MICAL3: variants seen among roughly 807,000 people sequenced by gnomAD.
MICAL3 encodes the protein microtubule associated monooxygenase, calponin and LIM domain containing 3, also known as [F-actin]-monooxygenase MICAL3.
A neutral mutation model predicts 207.4 loss-of-function variants in MICAL3; 62 were observed. The observed-to-expected ratio is 0.30, with a 90% CI of 0.24 to 0.37. MICAL3 has a LOEUF of 0.37. MICAL3 is among the 10% of genes least tolerant of loss of function. The pLI is 1.00. For missense variants in MICAL3, 2,368 were observed against 2,635.6 expected (o/e 0.90, Z 2.22); for synonymous variants, 1,077 against 1,069.3 (o/e 1.01, Z -0.14).
At chr22:17,978,421 A>C (rs1935752216) in intron 1 of MICAL3, among the ~76,000 whole-genome samples, 1 of 152,214 alleles carries the variant, frequency 6.6e-6, no homozygotes, top group African/African-American at 2.4e-5. Context: ...CTATGGGTAC[A>C]AGGCTTCTTT....
At chr22:17,950,582 C>T (rs1365679955) in intron 1 of MICAL3, among the ~76,000 whole-genome samples, 1 of 152,068 alleles carries the variant, frequency 6.6e-6, no homozygotes, top group African/African-American at 2.4e-5. Flanking sequence ...AGTGATCCTC[C>T]CGCCTCGACC....
At chr22:17,969,233 G>A (rs1935292863) in intron 1 of MICAL3, among the ~76,000 whole-genome samples, 1 of 152,182 alleles carries the variant, frequency 6.6e-6, no homozygotes, top group East Asian at 1.9e-4. Context: ...TAGAGACAGG[G>A]TTTCACTATA....
intron 1 of MICAL3, chr22:18,004,792 C>T (rs576807214): frequency 7.6e-4 from 115 of 152,290 alleles, no homozygotes; most frequent in African/African-American, 2.4e-3. Context: ...CTGATCTGCC[C>T]GAGTGCACAC....
chr22:17,983,381 C>G (rs750633650), intron 1 of MICAL3: 3 of 152,248 alleles, frequency 2.0e-5, no homozygotes, highest in African/African-American at 4.8e-5. Context: ...ACTAGTAACT[C>G]CTAAGTCCAC....
chr22:17,881,409 A>G, intron 16 of MICAL3: 1 of 908,426 alleles, frequency 1.1e-6, no homozygotes, highest in South Asian at 1.6e-5. Context: ...CACCCCAGGG[A>G]GGCCTTTCCT....
chr22:17,878,747 T>C (rs1464796426), intron 16 of MICAL3, among the ~76,000 whole-genome samples: 1 of 152,190 alleles, frequency 6.6e-6, no homozygotes, highest in Non-Finnish European at 1.5e-5. Flanking sequence ...ATCCCTCACA[T>C]TGTACGATGG....
At chr22:17,849,528 T>C (rs1022114731) in intron 19 of MICAL3, among the ~76,000 whole-genome samples, 12 of 150,646 alleles carry the variant, frequency 8.0e-5, no homozygotes, top group Non-Finnish European at 5.9e-5. Flanking sequence ...AGAAACGGGG[T>C]CTTGCTATGT....
intron 1 of MICAL3, among the ~76,000 whole-genome samples, chr22:17,985,977 G>A (rs530686797): frequency 2.2e-4 from 34 of 152,166 alleles, no homozygotes; most frequent in Admixed American, 1.7e-3. Context: ...CAGCAATCTC[G>A]GCTCACTGAA....
chr22:18,014,690 A>G (rs938265003), intron 1 of MICAL3, among the ~76,000 whole-genome samples: 1 of 152,172 alleles, frequency 6.6e-6, no homozygotes, highest in Non-Finnish European at 1.5e-5. Flanking sequence ...CCTAAAAATA[A>G]GCAGTTAAAG....
At chr22:17,834,487 G>A (rs1161845566) in intron 20 of MICAL3, 7 of 1,265,296 alleles carry the variant, frequency 5.5e-6, no homozygotes, top group Non-Finnish European at 7.2e-6. Flanking sequence ...AGGCTGAGGT[G>A]GGTGGATCAT....
intron 1 of MICAL3, among the ~76,000 whole-genome samples, chr22:18,011,939 A>T (rs1256155676): frequency 5.3e-5 from 8 of 151,054 alleles, no homozygotes; most frequent in South Asian, 2.1e-4. Context: ...AAAATTTTTT[A>T]AAAAAGAACT....
At chr22:18,010,823 C>T (rs1923672278) in intron 1 of MICAL3, among the ~76,000 whole-genome samples, 1 of 151,942 alleles carries the variant, frequency 6.6e-6, no homozygotes, top group Admixed American at 6.6e-5. Context: ...TTGGGTGTTT[C>T]AAAATTATAT....
In MICAL3 at chr22:17,889,204, T is replaced by C. The variant is rs200921069; in HGVS notation, c.1721A>G (p.Asn574Ser). 707 of 1,612,630 alleles carry C rather than the reference T, an allele frequency of 4.4e-4. No homozygotes were observed. Among genetic ancestry groups the C allele is most frequent in the Non-Finnish European group, 5.5e-4 (652 of 1,178,766 alleles). The stretch of plus-strand genomic sequence containing the variant: ...GGCCAGTTGGTTATTCTTCTCCACA[T>C]TTTGCTCATCCAAAGAATCAAAATC... ...LIDFDSLDEQ[N>S]VEKNNQLAFD... is the part of the protein sequence containing the mutation. The change falls in exon 13 of 32, where the codon AAT becomes AGT. Residue 574 changes from asparagine to serine, a missense_variant. By Grantham distance (46) the Asn-to-Ser change is conservative. This residue lies in a region of MICAL3 where 51 missense variants were observed against 87.8 expected (regional missense o/e 0.58). Coordinates refer to ENST00000441493, the MANE Select transcript of MICAL3 (RefSeq NM_015241.3).
intron 1 of MICAL3, among the ~76,000 whole-genome samples, chr22:17,978,397 GGTAACA>G (rs1935750414): frequency 6.6e-6 from 1 of 152,168 alleles, no homozygotes. Context: ...GGCTGGAGAA[GGTAACA>G]GTAACTCCTA....
At chr22:17,880,666 G>T (rs921461578) in intron 16 of MICAL3, among the ~76,000 whole-genome samples, 62 of 152,118 alleles carry the variant, frequency 4.1e-4, no homozygotes, top group African/African-American at 1.4e-3. Context: ...GTCCTCACTG[G>T]CCACAGCTGT....
At chr22:17,866,504 C>G (rs907275477) in intron 17 of MICAL3, among the ~76,000 whole-genome samples, 1 of 152,174 alleles carries the variant, frequency 6.6e-6, no homozygotes, top group Non-Finnish European at 1.5e-5. Context: ...TATCTCTCAC[C>G]CCCTCCCAGT....
intron 16 of MICAL3, chr22:17,875,410 G>T (rs900058562): frequency 7.5e-7 from 1 of 1,342,158 alleles, no homozygotes; most frequent in Non-Finnish European, 1.0e-6. Flanking sequence ...TGGAGGCTGC[G>T]GAGGGCAGAG....
chr22:18,000,217 T>G (rs1475482366), intron 1 of MICAL3, among the ~76,000 whole-genome samples: 7 of 147,422 alleles, frequency 4.7e-5, no homozygotes, highest in Non-Finnish European at 1.0e-4. Context: ...ATCCTCTCCA[T>G]GCACATCCCA....
intron 1 of MICAL3, among the ~76,000 whole-genome samples, chr22:18,014,158 G>A (rs1411939288): frequency 6.6e-6 from 1 of 151,632 alleles, no homozygotes; most frequent in Non-Finnish European, 1.5e-5. Flanking sequence ...TTGGTTTCCT[G>A]TCTGTGGAAG....
Sources: gnomAD v4.1 joint callset for allele counts (sites outside exome capture counted in the v4.1 genomes callset) on GRCh38, gnomAD v4.1.1 for gene constraint, gnomAD v4.1.1 regional missense constraint, MANE v1.5 for transcripts, NCBI Gene and HGNC (gene_info 2026-07-23, HGNC 2026-07-21) for gene names.